Variants in TMOD1 observed in about 807,000 individuals in gnomAD.
TMOD1 encodes the protein tropomodulin-1.
Under a neutral mutation model 40.6 loss-of-function variants are expected in TMOD1, and 17 were observed. The observed-to-expected ratio is 0.42, with a 90% CI of 0.29 to 0.63. TMOD1 has a LOEUF of 0.63. TMOD1 is among the 20% of genes least tolerant of loss of function. TMOD1 has a pLI of 0.22. For missense variants in TMOD1, 391 were observed against 447.6 expected (o/e 0.87, Z 1.14); for synonymous variants, 181 against 175.0 (o/e 1.03, Z -0.27).
chr9:97,571,858 G>A (rs575084568), intron 8 of TMOD1, among the ~76,000 whole-genome samples: 2 of 152,190 alleles, frequency 1.3e-5, no homozygotes, highest in Admixed American at 6.5e-5. Flanking sequence ...AGCACCACCC[G>A]CCATCCAGTG....
chr9:97,521,849 T>C (rs1434989561), intron 1 of TMOD1, among the ~76,000 whole-genome samples: 1 of 152,250 alleles, frequency 6.6e-6, no homozygotes, highest in Non-Finnish European at 1.5e-5. Flanking sequence ...ATGTGCTCTC[T>C]GCTTTCTGAG....
At position 97,555,636 on chromosome 9, in the gene TMOD1, C is replaced by T. The variant is rs1053923871; in HGVS notation, c.397+2236C>T. 1.0e-5 allele frequency: 16 copies of T among 1,550,884 alleles called. No homozygotes were observed. In the African/African-American group the frequency reaches 2.2e-4, roughly 21 times the overall value. On this transcript the variant is annotated intron_variant, in intron 4 of 9. Coordinates refer to ENST00000259365, the MANE Select transcript of TMOD1 (RefSeq NM_003275.4). ...TGGATGCCTGTCATTTGATGTTGGA[C>T]ATTTGAAAGATGGCAGCATCTCTGG...
intron 3 of TMOD1, among the ~76,000 whole-genome samples, chr9:97,549,827 A>G (rs1830420110): frequency 6.6e-6 from 1 of 152,012 alleles, no homozygotes; most frequent in Non-Finnish European, 1.5e-5. Flanking sequence ...CCTCCTAATC[A>G]TCTCCGTACC....
At chr9:97,594,777 C>T (rs527239592) in intron 9 of TMOD1, among the ~76,000 whole-genome samples, 1 of 152,186 alleles carries the variant, frequency 6.6e-6, no homozygotes, top group Non-Finnish European at 1.5e-5. Flanking sequence ...GCTGTGGATC[C>T]CATCTGCGTT....
intron 8 of TMOD1, among the ~76,000 whole-genome samples, chr9:97,581,442 C>A (rs1474717004): frequency 6.6e-6 from 1 of 151,918 alleles, no homozygotes; most frequent in East Asian, 1.9e-4. Flanking sequence ...GTGAATAATG[C>A]CGCAATAAAC....
chr9:97,563,905 C>T, intron 5 of TMOD1, 133 bp from the exon 6 acceptor site: 4 of 1,201,868 alleles, frequency 3.3e-6, no homozygotes, highest in Non-Finnish European at 4.6e-6. Flanking sequence ...CCCCCTACCC[C>T]CACCCAGCCC....
At chr9:97,585,641 C>T (rs1825853136) in intron 8 of TMOD1, among the ~76,000 whole-genome samples, 1 of 134,180 alleles carries the variant, frequency 7.5e-6, no homozygotes. Flanking sequence ...TTCAGGTACA[C>T]CAATCAGACG....
chr9:97,591,190 C>CAGT, intron 8 of TMOD1, 101 bp from the exon 9 acceptor site: 1 of 1,280,254 alleles, frequency 7.8e-7, no homozygotes, highest in Non-Finnish European at 1.1e-6. Flanking sequence ...AAATCCCCTC[C>CAGT]CACTACTCAA....
At chr9:97,599,599 A>G (rs1254540055) in intron 9 of TMOD1, 35 bp from the exon 10 acceptor site, 2 of 1,613,658 alleles carry the variant, frequency 1.2e-6, no homozygotes, top group Non-Finnish European at 1.7e-6. Flanking sequence ...TCTACAGGGA[A>G]AAGTGCCTTA....
chr9:97,551,473 T>C (rs111915892), intron 3 of TMOD1, among the ~76,000 whole-genome samples: 2 of 152,350 alleles, frequency 1.3e-5, no homozygotes, highest in African/African-American at 4.8e-5. Context: ...TCTTTCCCCA[T>C]TGAATGCACC....
intron 2 of TMOD1, among the ~76,000 whole-genome samples, chr9:97,539,281 A>G (rs1188223616): frequency 6.6e-6 from 1 of 152,196 alleles, no homozygotes; most frequent in Non-Finnish European, 1.5e-5. Context: ...TCTCCTGGCC[A>G]GAGCCAACAA....
At chr9:97,546,883 C>T (rs1014116478) in intron 3 of TMOD1, among the ~76,000 whole-genome samples, 5 of 144,464 alleles carry the variant, frequency 3.5e-5, no homozygotes, top group East Asian at 2.0e-4. Flanking sequence ...GAGCCAAGAT[C>T]GCACCACTGC....
chr9:97,552,840 T>C (rs1037086061), intron 3 of TMOD1, among the ~76,000 whole-genome samples: 4 of 152,260 alleles, frequency 2.6e-5, no homozygotes, highest in South Asian at 2.1e-4. Flanking sequence ...TTTAAAAATA[T>C]GATAATGAGG....
At chr9:97,543,154 A>G (rs58225701) in intron 2 of TMOD1, among the ~76,000 whole-genome samples, 6,793 of 152,300 alleles carry the variant, frequency 0.045, 490 homozygotes, top group African/African-American at 0.16. Context: ...AATTTCTTCT[A>G]TCGCAATACT....
chr9:97,535,910 A>C (rs901563071), intron 2 of TMOD1, among the ~76,000 whole-genome samples: 1 of 152,180 alleles, frequency 6.6e-6, no homozygotes, highest in Non-Finnish European at 1.5e-5. Context: ...AGAGAAAGCA[A>C]AGAGAGGGAG....
intron 8 of TMOD1, among the ~76,000 whole-genome samples, chr9:97,584,659 G>A (rs1825829654): frequency 6.6e-6 from 1 of 152,260 alleles, no homozygotes; most frequent in Middle Eastern, 3.4e-3. Flanking sequence ...GGTCACTCAG[G>A]ACTTGCTTTA....
chr9:97,578,608 C>A lies in TMOD1; in HGVS notation c.870+9571C>A, dbSNP rs959266867. On this transcript the variant is annotated intron_variant, in intron 8 of 9. Transcript: ENST00000259365. ...GCCCCAGGTCAAGGTCAAGCCTTGG[C>A]TCTGTCATGAATAAGCCGAGGGAGC... 3.3e-5 allele frequency among the ~76,000 whole-genome samples: 5 copies of A among 152,254 alleles called. No homozygotes were observed. The South Asian group carries it at 1.0e-3, about 32-fold the overall frequency.
intron 9 of TMOD1, among the ~76,000 whole-genome samples, chr9:97,599,266 G>C (rs1030887378): frequency 1.3e-5 from 2 of 152,276 alleles, no homozygotes; most frequent in Middle Eastern, 3.4e-3. Flanking sequence ...TTTCCACCTG[G>C]TTAAGACCCT....
intron 5 of TMOD1, 89 bp downstream of exon 5, chr9:97,562,910 CAT>C (rs1288094430): frequency 7.4e-6 from 8 of 1,087,986 alleles, no homozygotes; most frequent in Non-Finnish European, 1.1e-5. Flanking sequence ...GAAGTTTTAA[CAT>C]GTTATATAGC....
Sources: gnomAD v4.1 joint callset for allele counts (sites outside exome capture counted in the v4.1 genomes callset) on GRCh38, gnomAD v4.1.1 for gene constraint, MANE v1.5 for transcripts, NCBI Gene and HGNC (gene_info 2026-07-23, HGNC 2026-07-21) for gene names.